NKD1: variants seen among roughly 807,000 people sequenced by gnomAD.
NKD1 encodes the protein protein naked cuticle homolog 1.
Under a neutral mutation model 56.0 loss-of-function variants are expected in NKD1, and 21 were observed. The observed-to-expected ratio is 0.38, with a 90% CI of 0.27 to 0.54. The LOEUF (loss-of-function observed/expected upper bound fraction) is 0.54. Among genes scored for constraint, NKD1 ranks in the 20% least tolerant of loss-of-function variants. The pLI, the probability that NKD1 is intolerant of heterozygous loss-of-function variation, is 0.82. For synonymous variants in NKD1, 263 were observed against 265.7 expected (o/e 0.99, Z 0.10); for missense variants, 578 against 642.7 (o/e 0.90, Z 1.09).
At chr16:50,627,654 G>A (rs914418425) in intron 6 of NKD1, among the ~76,000 whole-genome samples, 5 of 152,234 alleles carry the variant, frequency 3.3e-5, no homozygotes, top group South Asian at 2.1e-4. Context: ...CAGAGCTGGG[G>A]TGTGGGCCAG....
intron 3 of NKD1, among the ~76,000 whole-genome samples, chr16:50,558,989 T>C (rs1413549310): frequency 6.6e-6 from 1 of 152,148 alleles, no homozygotes; most frequent in Non-Finnish European, 1.5e-5. Context: ...CATGTGCCCA[T>C]AGAAGGTGCC....
At chr16:50,573,795 G>C in intron 3 of NKD1, 1 of 985,206 alleles carries the variant, frequency 1.0e-6, no homozygotes, top group Non-Finnish European at 1.2e-6. Context: ...TTCTGATTCA[G>C]TTAGGTGTCT....
intron 3 of NKD1, among the ~76,000 whole-genome samples, chr16:50,567,634 C>T (rs1022860831): frequency 6.6e-6 from 1 of 152,196 alleles, no homozygotes; most frequent in Non-Finnish European, 1.5e-5. Flanking sequence ...GTGACAGCTC[C>T]CTTGTGTGTT....
chr16:50,559,227 T>C (rs1011832259), intron 3 of NKD1, among the ~76,000 whole-genome samples: 7 of 152,216 alleles, frequency 4.6e-5, no homozygotes, highest in African/African-American at 1.7e-4. Context: ...CCCCTTCTTT[T>C]GCAGCTTGCC....
At chr16:50,585,535 CT>C in intron 3 of NKD1, among the ~76,000 whole-genome samples, 1 of 152,342 alleles carries the variant, frequency 6.6e-6, no homozygotes, top group East Asian at 1.9e-4. Context: ...ATGCCGGGAA[CT>C]GAAAGCTGGC....
intron 3 of NKD1, among the ~76,000 whole-genome samples, chr16:50,579,330 AC>A (rs1358117325): frequency 7.2e-6 from 1 of 139,586 alleles, no homozygotes; most frequent in African/African-American, 2.8e-5. Flanking sequence ...ACGCACTCTA[AC>A]CCACCACGCA....
rs532593155 is a variant in NKD1, at chr16:50,560,261, G to A, written c.192+10706G>A. On this transcript the variant is annotated intron_variant, in intron 3 of 9. Coordinates refer to ENST00000268459, the MANE Select transcript of NKD1 (RefSeq NM_033119.5). ...CACTGCCTCAGCTGGTCCTGGGCAC[G>A]TGCCTGCTTTCTCAGTGGCTGCAGG... Among the ~76,000 whole-genome samples, 39 of 152,320 alleles carry A rather than the reference G, an allele frequency of 2.6e-4. No homozygotes were observed. In the East Asian group the frequency reaches 5.8e-3, roughly 23 times the overall value.
chr16:50,555,710 G>A lies in NKD1; in HGVS notation c.192+6155G>A, dbSNP rs144743989. On this transcript the variant is annotated intron_variant, in intron 3 of 9. Coordinates refer to ENST00000268459, the MANE Select transcript of NKD1 (RefSeq NM_033119.5). ...CCATGTGGGCTGAGCAGGGCTGTCC[G>A]AGACAGGATGTGCAGCCCCCCGGTA... is the stretch of plus-strand genomic sequence containing the variant. 8.0e-3 allele frequency: 1,215 copies of A among 152,356 alleles called. 10 individuals are homozygous for A. The highest frequency in any genetic ancestry group is 0.011 in the Non-Finnish European group (772 of 68,084). 9.4% of individuals were successfully genotyped at this position (152,356 alleles called of 1,614,324 possible). A position where few individuals can be genotyped will look rare whatever the true frequency, so the allele number is the denominator to read the frequency against.
At chr16:50,610,826 G>T (rs1398372687) in intron 4 of NKD1, among the ~76,000 whole-genome samples, 2 of 152,230 alleles carry the variant, frequency 1.3e-5, no homozygotes, top group African/African-American at 4.8e-5. Context: ...GGCTGGGCTT[G>T]GTGGGCCAGG....
At chr16:50,600,969 G>A (rs910280422) in intron 3 of NKD1, among the ~76,000 whole-genome samples, 14 of 152,228 alleles carry the variant, frequency 9.2e-5, no homozygotes, top group East Asian at 1.9e-4. Context: ...GGAGCATGTC[G>A]ATTGCATCTT....
chr16:50,619,143 G>C (rs1962030869), intron 4 of NKD1, among the ~76,000 whole-genome samples: 3 of 152,232 alleles, frequency 2.0e-5, no homozygotes, highest in Admixed American at 2.0e-4. Flanking sequence ...TCTGCAGAGA[G>C]AGGCAGCAGC....
At chr16:50,608,142 CA>C in intron 3 of NKD1, 151 bp from the exon 4 acceptor site, 1 of 687,476 alleles carries the variant, frequency 1.5e-6, no homozygotes, top group Non-Finnish European at 2.7e-6. Flanking sequence ...CCCACCTTGG[CA>C]CTTAACTTTT....
intron 3 of NKD1, chr16:50,607,687 G>C (rs959402405): frequency 6.5e-6 from 1 of 154,328 alleles, no homozygotes; most frequent in Non-Finnish European, 1.4e-5. Context: ...GTCCTGATAA[G>C]TCCTGCTGTA....
intron 3 of NKD1, among the ~76,000 whole-genome samples, chr16:50,571,153 C>T (rs1459365324): frequency 3.9e-5 from 6 of 152,188 alleles, no homozygotes; most frequent in African/African-American, 1.4e-4. Context: ...ATTAAAGGTC[C>T]CTTTCAAGGC....
chr16:50,558,986 C>T (rs907255439), intron 3 of NKD1, among the ~76,000 whole-genome samples: 1 of 152,146 alleles, frequency 6.6e-6, no homozygotes, highest in Admixed American at 6.5e-5. Flanking sequence ...CAGCATGTGC[C>T]CATAGAAGGT....
chr16:50,576,827 C>T (rs1961004636), intron 3 of NKD1, among the ~76,000 whole-genome samples: 1 of 151,072 alleles, frequency 6.6e-6, no homozygotes, highest in African/African-American at 2.4e-5. Context: ...ATACTCTGTC[C>T]ACCCACCCAG....
In NKD1 at chr16:50,633,549, T is replaced by C; in HGVS notation, c.1181T>C (p.Leu394Pro). Residue 394 changes from leucine to proline, a missense_variant, in exon 10 of 10, where the codon CTA (leucine) becomes CCA (proline). Coordinates refer to ENST00000268459, the MANE Select transcript of NKD1 (RefSeq NM_033119.5). This position sits in a 1 kb window ranked among gnomAD's most constrained non-coding sequence, Gnocchi z 4.9. ...GCCAGCCCGGCCCTCCTCCCCTCCCTAGCCCCCCTCGGGCACAAGAAGCAC... is the reference window on the plus strand; with the variant it reads ...GCCAGCCCGGCCCTCCTCCCCTCCCCAGCCCCCCTCGGGCACAAGAAGCAC... ...LAASPALLPS[L>P]APLGHKKHKH... The C allele has an allele frequency of 1.9e-6, 3 of 1,598,540 alleles. No individual in the cohort carries two copies. The highest frequency in any genetic ancestry group is 2.6e-6 in the Non-Finnish European group (3 of 1,171,948).
At chr16:50,587,795 C>T (rs1961262570) in intron 3 of NKD1, among the ~76,000 whole-genome samples, 1 of 152,240 alleles carries the variant, frequency 6.6e-6, no homozygotes, top group South Asian at 2.1e-4. Context: ...CGTCTGAGCT[C>T]TGCCTCCTGT....
intron 3 of NKD1, among the ~76,000 whole-genome samples, chr16:50,573,476 C>T (rs562782366): frequency 2.0e-5 from 3 of 152,328 alleles, no homozygotes; most frequent in African/African-American, 7.2e-5. Context: ...CCGGGTGCTG[C>T]GGGGAAAGAG....
Sources: allele counts gnomAD v4.1 joint callset (sites outside exome capture counted in the v4.1 genomes callset), GRCh38; gene constraint gnomAD v4.1.1; non-coding constraint Gnocchi (gnomAD v3.1); transcripts MANE v1.5; gene names NCBI Gene and HGNC (gene_info 2026-07-23, HGNC 2026-07-21).